BCAS3: variants seen among roughly 807,000 people sequenced by gnomAD.
The protein encoded by BCAS3 is BCAS4/BCAS3 fusion.
In BCAS3, 53 loss-of-function variants were observed where a neutral mutation model predicts 116.1. The observed-to-expected ratio is 0.46, with a 90% CI of 0.37 to 0.57. The LOEUF (loss-of-function observed/expected upper bound fraction) is 0.57, where lower values mean the gene tolerates loss of function less well. Among genes scored for constraint, BCAS3 ranks in the 20% least tolerant of loss-of-function variants. The pLI is 0.00. For synonymous variants in BCAS3, 391 were observed against 408.2 expected (o/e 0.96, Z 0.51); for missense variants, 917 against 1,165.4 (o/e 0.79, Z 3.10).
rs1471804116 is a variant in BCAS3, at chr17:61,235,683, A to G, written c.2426-132644A>G. Among the ~76,000 whole-genome samples, 1 of 121,724 alleles carries G rather than the reference A, an allele frequency of 8.2e-6. No homozygotes were observed. The highest frequency in any genetic ancestry group is 1.7e-5 in the Non-Finnish European group (1 of 58,458). 79.9% of individuals were successfully genotyped at this position (121,724 alleles called of 152,430 possible). A position where few individuals can be genotyped will look rare whatever the true frequency, so the allele number is the denominator to read the frequency against. ...TTAAACTTTGTTTGAACTTGGAAAG[A>G]AGACTTTTGAATTGTTTAAAAAAAA... On this transcript the variant is annotated intron_variant, in intron 22 of 23. Coordinates refer to ENST00000407086, the MANE Select transcript of BCAS3 (RefSeq NM_017679.5). This position sits in a 1 kb window ranked among gnomAD's most constrained non-coding sequence, Gnocchi z 5.0.
At chr17:60,952,911 C>T (rs923284894) in intron 14 of BCAS3, among the ~76,000 whole-genome samples, 3 of 151,966 alleles carry the variant, frequency 2.0e-5, no homozygotes, top group East Asian at 3.9e-4. Flanking sequence ...ATAATGCCCT[C>T]CAGCTCCATC....
intron 6 of BCAS3, among the ~76,000 whole-genome samples, chr17:60,793,039 G>T (rs141883163): frequency 1.5e-4 from 22 of 151,552 alleles, no homozygotes; most frequent in South Asian, 2.1e-4. Context: ...TGTTCTCAAG[G>T]TTCATCCATG....
intron 19 of BCAS3, among the ~76,000 whole-genome samples, chr17:61,071,243 GCT>G (rs1209814378): frequency 5.3e-5 from 8 of 152,232 alleles, no homozygotes; most frequent in African/African-American, 1.9e-4. Context: ...TAATAACCAT[GCT>G]TATTTCAGAA....
chr17:60,796,021 T>C (rs935424014), intron 6 of BCAS3, among the ~76,000 whole-genome samples: 2 of 152,224 alleles, frequency 1.3e-5, no homozygotes, highest in African/African-American at 2.4e-5. Context: ...GTCTATGTGG[T>C]GTGTCACTTT....
At chr17:60,811,316 C>A (rs564998819) in intron 7 of BCAS3, 91 of 730,672 alleles carry the variant, frequency 1.2e-4, no homozygotes, top group Non-Finnish European at 2.0e-4. Flanking sequence ...CTACTGTCAC[C>A]TGCTGGAAGA....
At chr17:61,155,363 G>A (rs2144027935) in intron 22 of BCAS3, among the ~76,000 whole-genome samples, 1 of 152,204 alleles carries the variant, frequency 6.6e-6, no homozygotes, top group South Asian at 2.1e-4. Context: ...TGGCATCAAA[G>A]TATTGGTGCT....
chr17:60,691,163 C>G (rs1312639848), intron 4 of BCAS3, among the ~76,000 whole-genome samples: 1 of 152,046 alleles, frequency 6.6e-6, no homozygotes, highest in African/African-American at 2.4e-5. Context: ...AATCTCCTGA[C>G]CTCAGGTAAT....
At chr17:61,025,494 T>G (rs1364584751) in intron 16 of BCAS3, among the ~76,000 whole-genome samples, 1 of 152,146 alleles carries the variant, frequency 6.6e-6, no homozygotes, top group Admixed American at 6.5e-5. Context: ...TAACATTTAT[T>G]ACAGATAACA....
intron 13 of BCAS3, among the ~76,000 whole-genome samples, chr17:60,942,840 C>T (rs550278855): frequency 1.4e-4 from 22 of 152,108 alleles, no homozygotes; most frequent in Non-Finnish European, 7.4e-5. Flanking sequence ...TGTGATTCTG[C>T]TTCTGGGAAT....
intron 22 of BCAS3, among the ~76,000 whole-genome samples, chr17:61,210,793 A>G (rs1490857366): frequency 6.6e-5 from 10 of 152,322 alleles, no homozygotes; most frequent in Admixed American, 1.3e-4. Context: ...TCTCTATCCC[A>G]TCTCATAGCC....
intron 6 of BCAS3, among the ~76,000 whole-genome samples, chr17:60,768,382 C>G (rs1294826285): frequency 6.6e-6 from 1 of 152,126 alleles, no homozygotes; most frequent in African/African-American, 2.4e-5. Flanking sequence ...GCTAGCATAG[C>G]TAGAATATAA....
intron 22 of BCAS3, among the ~76,000 whole-genome samples, chr17:61,195,209 C>T (rs1256632552): frequency 6.6e-6 from 1 of 152,212 alleles, no homozygotes; most frequent in Admixed American, 6.5e-5. Flanking sequence ...GGACTGGATA[C>T]AGTATGTGAA....
chr17:60,703,916 C>CAAA (rs539490885), intron 4 of BCAS3, among the ~76,000 whole-genome samples: 2 of 71,474 alleles, frequency 2.8e-5, no homozygotes, highest in African/African-American at 1.3e-4. Context: ...GACACCGTCT[C>CAAA]AAAAAAAAAA....
chr17:61,090,086 A>G (rs1391166402), intron 22 of BCAS3, among the ~76,000 whole-genome samples: 2 of 152,164 alleles, frequency 1.3e-5, no homozygotes, highest in African/African-American at 4.8e-5. Flanking sequence ...GAAACCTTCA[A>G]GTCATTCTCC....
chr17:60,730,043 C>T (rs1036578496), intron 5 of BCAS3, among the ~76,000 whole-genome samples: 8 of 152,246 alleles, frequency 5.3e-5, no homozygotes, highest in African/African-American at 1.9e-4. Context: ...ACCATTAAGG[C>T]GGCTTCAAAG....
intron 22 of BCAS3, among the ~76,000 whole-genome samples, chr17:61,297,238 C>T (rs1007748109): frequency 6.6e-6 from 1 of 152,182 alleles, no homozygotes; most frequent in African/African-American, 2.4e-5. Flanking sequence ...CACTCAAATT[C>T]TGGCTTGATA....
chr17:60,898,478 G>T (rs1399888012), intron 10 of BCAS3, among the ~76,000 whole-genome samples: 1 of 152,038 alleles, frequency 6.6e-6, no homozygotes, highest in Non-Finnish European at 1.5e-5. Context: ...ATCATTAGGG[G>T]TATTTATTAT....
chr17:61,006,859 G>A (rs529858769), intron 15 of BCAS3, among the ~76,000 whole-genome samples: 2 of 151,976 alleles, frequency 1.3e-5, no homozygotes, highest in East Asian at 3.9e-4. Context: ...CTTCCCTCTT[G>A]TGTTAAATAT....
rs540342838 is a variant in BCAS3, at chr17:60,837,693, G to A, written c.476+29617G>A. Among the ~76,000 whole-genome samples the A allele has an allele frequency of 4.9e-5, 6 of 122,686 alleles. No individual in the cohort carries two copies. The South Asian group carries it at 1.5e-3, about 31-fold the overall frequency. The allele number at this position is 122,686 out of a possible 152,430, so 80.5% of individuals were successfully genotyped here. ...TTTGAGATGGAGTTTCACTCTTGTT[G>A]CCCAAGCTGGAGTGCAGTAGCACAA... On this transcript the variant is annotated intron_variant, in intron 7 of 23. Transcript: ENST00000407086.
Sources: allele counts gnomAD v4.1 joint callset (sites outside exome capture counted in the v4.1 genomes callset), GRCh38; gene constraint gnomAD v4.1.1; non-coding constraint Gnocchi (gnomAD v3.1); transcripts MANE v1.5; gene names NCBI Gene and HGNC (gene_info 2026-07-23, HGNC 2026-07-21).